Variants in VWC2L observed in about 807,000 individuals in gnomAD.
VWC2L encodes von Willebrand factor C domain containing 2 like.
Under a neutral mutation model 21.6 loss-of-function variants are expected in VWC2L, and 10 were observed. The ratio of observed to expected loss-of-function variants is 0.46; its 90% CI spans 0.29 to 0.78. The LOEUF is 0.78. VWC2L is among the 30% of genes least tolerant of loss of function. VWC2L has a pLI of 0.10. For synonymous variants in VWC2L, 96 were observed against 94.3 expected (o/e 1.02, Z -0.10); for missense variants, 209 against 277.1 (o/e 0.75, Z 1.74).
chr2:214,480,143 T>C (rs528047536), intron 3 of VWC2L, among the ~76,000 whole-genome samples: 59 of 152,320 alleles, frequency 3.9e-4, no homozygotes, highest in African/African-American at 1.4e-3. Context: ...ACATAAGCAC[T>C]TGAGCATCTG....
chr2:214,520,480 T>C (rs1689219978), intron 3 of VWC2L, among the ~76,000 whole-genome samples: 1 of 152,198 alleles, frequency 6.6e-6, no homozygotes, highest in Non-Finnish European at 1.5e-5. Context: ...TCCTTGACCA[T>C]GAGTCTTTGT....
chr2:214,454,638 CTG>C (rs1190733354), intron 3 of VWC2L, among the ~76,000 whole-genome samples: 1 of 114,232 alleles, frequency 8.8e-6, no homozygotes, highest in Admixed American at 1.3e-4. Flanking sequence ...GAGTCTCACT[CTG>C]TTGCCTAGGC....
chr2:214,551,091 C>T (rs1422348497), intron 3 of VWC2L, among the ~76,000 whole-genome samples: 1 of 152,110 alleles, frequency 6.6e-6, no homozygotes, highest in East Asian at 1.9e-4. Context: ...AGGAATAAAA[C>T]TGTTGAACTA....
chr2:214,518,224 T>C (rs1689176484), intron 3 of VWC2L, among the ~76,000 whole-genome samples: 1 of 152,198 alleles, frequency 6.6e-6, no homozygotes, highest in South Asian at 2.1e-4. Flanking sequence ...GGAGTCAAAT[T>C]ACTTGTATTT....
At chr2:214,500,374 G>A (rs2126205591) in intron 3 of VWC2L, among the ~76,000 whole-genome samples, 1 of 152,266 alleles carries the variant, frequency 6.6e-6, no homozygotes, top group African/African-American at 2.4e-5. Context: ...TGGTACAAGG[G>A]CTCTATGGTA....
chr2:214,560,632 A>G (rs1470650070), intron 3 of VWC2L, among the ~76,000 whole-genome samples: 2 of 152,236 alleles, frequency 1.3e-5, no homozygotes, highest in Non-Finnish European at 2.9e-5. Context: ...GCTGGACAAA[A>G]CTGAGTAACA....
intron 2 of VWC2L, among the ~76,000 whole-genome samples, chr2:214,425,582 A>C (rs757980188): frequency 6.6e-6 from 1 of 152,144 alleles, no homozygotes; most frequent in Non-Finnish European, 1.5e-5. Context: ...CTTTAATTTA[A>C]TATAATAGAT....
At chr2:214,459,638 T>G (rs1358344013) in intron 3 of VWC2L, among the ~76,000 whole-genome samples, 1 of 152,120 alleles carries the variant, frequency 6.6e-6, no homozygotes, top group South Asian at 2.1e-4. Flanking sequence ...TCTTAAGCAT[T>G]TCTGTTGGAC....
At chr2:214,430,923 C>A (rs1336176272) in intron 2 of VWC2L, among the ~76,000 whole-genome samples, 1 of 152,128 alleles carries the variant, frequency 6.6e-6, no homozygotes, top group East Asian at 1.9e-4. Context: ...TGAGTTACAA[C>A]CTCAGTGTTC....
rs549138899 is a variant in VWC2L, at chr2:214,525,183, C to G, written c.521-50489C>G. 8.6e-5 allele frequency: 13 copies of G among 152,026 alleles called. No homozygotes were observed. In the South Asian group the frequency reaches 2.5e-3, roughly 29 times the overall value. The allele number at this position is 152,026 out of a possible 1,614,324, so 9.4% of individuals were successfully genotyped here. ...GTCCATTTTTCTTCAGGAAAAATCC[C>G]CATCTGGAATTTTTAACCACCTTGA... is the stretch of plus-strand genomic sequence containing the variant. On this transcript the variant is annotated intron_variant, in intron 3 of 3. Transcript: ENST00000312504.
intron 3 of VWC2L, among the ~76,000 whole-genome samples, chr2:214,485,350 G>A (rs1009193114): frequency 6.6e-5 from 10 of 151,946 alleles, no homozygotes; most frequent in Admixed American, 5.9e-4. Flanking sequence ...ACAACTTGTC[G>A]GGGAAGAAAT....
At chr2:214,433,184 T>TATATATATATATATATATATA (rs1559289359) in intron 2 of VWC2L, among the ~76,000 whole-genome samples, 1 of 112,260 alleles carries the variant, frequency 8.9e-6, no homozygotes, top group Admixed American at 9.4e-5. Context: ...ATATATATAT[T>TATATATATATATATATATATA]ATATATAAAT....
At chr2:214,553,992 A>G (rs1293530994) in intron 3 of VWC2L, among the ~76,000 whole-genome samples, 1 of 152,186 alleles carries the variant, frequency 6.6e-6, no homozygotes, top group Admixed American at 6.5e-5. Flanking sequence ...GATCCCAGGT[A>G]CATAGAATTG....
intron 3 of VWC2L, among the ~76,000 whole-genome samples, chr2:214,447,769 G>A (rs537380945): frequency 2.6e-4 from 39 of 152,040 alleles, no homozygotes; most frequent in African/African-American, 8.9e-4. Flanking sequence ...CAGATTCCTC[G>A]GGCACAGAGT....
At chr2:214,517,719 GA>G (rs1277403299) in intron 3 of VWC2L, among the ~76,000 whole-genome samples, 1 of 152,056 alleles carries the variant, frequency 6.6e-6, no homozygotes, top group Non-Finnish European at 1.5e-5. Context: ...AAGAAATATA[GA>G]ACACTTGTAA....
chr2:214,495,682 T>C (rs1688802025), intron 3 of VWC2L, among the ~76,000 whole-genome samples: 1 of 152,180 alleles, frequency 6.6e-6, no homozygotes, highest in African/African-American at 2.4e-5. Context: ...AGAGCTGTTC[T>C]ATCAAATAAA....
In VWC2L at chr2:214,576,923, A is replaced by T. The variant is rs1400502855; in HGVS notation, c.*1103A>T. 3 of 152,166 alleles carry T rather than the reference A, an allele frequency of 2.0e-5. No homozygotes were observed. Among genetic ancestry groups the T allele is most frequent in the Admixed American group, 6.5e-5 (1 of 15,274 alleles). The allele number at this position is 152,166 out of a possible 1,614,324, so 9.4% of individuals were successfully genotyped here. Reference sequence around the variant, plus strand: ...TGATTTAAATTAAAGATTAGGGTAGAGTGAGTCTTGCACAATACAATTCCA... The same window carrying T: ...TGATTTAAATTAAAGATTAGGGTAGTGTGAGTCTTGCACAATACAATTCCA... On this transcript the variant is annotated 3_prime_UTR_variant, in exon 4 of 4. Coordinates refer to ENST00000312504, the MANE Select transcript of VWC2L (RefSeq NM_001080500.4).
intron 3 of VWC2L, among the ~76,000 whole-genome samples, chr2:214,529,484 C>CTG (rs1196717672): frequency 6.6e-6 from 1 of 152,142 alleles, no homozygotes; most frequent in African/African-American, 2.4e-5. Context: ...TGACCAAACT[C>CTG]TGTTTTCTCC....
intron 3 of VWC2L, among the ~76,000 whole-genome samples, chr2:214,520,667 G>T (rs1689223387): frequency 6.6e-6 from 1 of 152,122 alleles, no homozygotes; most frequent in Admixed American, 6.6e-5. Flanking sequence ...ACACTTGCCA[G>T]CATCAAGTGT....
Sources: allele counts gnomAD v4.1 joint callset (sites outside exome capture counted in the v4.1 genomes callset), GRCh38; gene constraint gnomAD v4.1.1; transcripts MANE v1.5; gene names NCBI Gene and HGNC (gene_info 2026-07-23, HGNC 2026-07-21).